The following HUWE1 variants were observed in gnomAD, a reference collection of about 807,000 sequenced individuals.
The protein encoded by HUWE1 is HECT, UBA and WWE domain containing E3 ubiquitin protein ligase 1.
Under a neutral mutation model 299.4 loss-of-function variants are expected in HUWE1, and 18 were observed. The observed-to-expected ratio is 0.06, with a 90% CI of 0.04 to 0.09. The LOEUF (loss-of-function observed/expected upper bound fraction) is 0.09. HUWE1 is among the 10% of genes least tolerant of loss of function. HUWE1 has a pLI of 1.00. For missense variants in HUWE1, 1,832 were observed against 3,462.3 expected, an observed-to-expected ratio of 0.53 and a Z score of 11.82; for synonymous variants, 1,317 against 1,286.1, an observed-to-expected ratio of 1.02 and a Z score of -0.51.
Position 53,551,491 on chromosome X carries a change from A to T in HUWE1, c.8882-11T>A. On this transcript the variant is annotated splice_polypyrimidine_tract_variant and intron_variant, in intron 63 of 83. Coordinates refer to ENST00000262854, the MANE Select transcript of HUWE1 (RefSeq NM_031407.7). ...CAGGGAGACTGATACCTGAAGGGAG[A>T]TATAACATGTAAAGGGATTCACGCC... The T allele has an allele frequency of 8.6e-7, 1 of 1,169,447 alleles. No individual in the cohort carries two copies. Among genetic ancestry groups the T allele is most frequent in the Non-Finnish European group, 1.2e-6 (1 of 866,022 alleles).
chrX:53,619,592 A>G lies in HUWE1; in HGVS notation c.1673-2146T>C, dbSNP rs975200785. Reference sequence around the variant, plus strand: ...TAAAAGGAATCAGAGAAATAGAAGAAAAAAAAAAAAAAAAAAAAAGGCAGA... The same window carrying G: ...TAAAAGGAATCAGAGAAATAGAAGAGAAAAAAAAAAAAAAAAAAAGGCAGA... On this transcript the variant is annotated intron_variant, in intron 19 of 83. Transcript: ENST00000262854. 6.8e-4 allele frequency among the ~76,000 whole-genome samples: 19 copies of G among 27,949 alleles called. No individual in the cohort carries two copies. In the African/African-American group the frequency reaches 6.9e-3, roughly 10 times the overall value. 24.3% of individuals were successfully genotyped at this position (27,949 alleles called of 115,157 possible).
Position 53,588,552 on chromosome X carries a change from G to A in HUWE1, c.4462-18C>T, listed in dbSNP as rs2063978596. 2 of 1,193,918 alleles carry A rather than the reference G, an allele frequency of 1.7e-6. No individual in the cohort carries two copies. The highest frequency in any genetic ancestry group is 2.3e-6 in the Non-Finnish European group (2 of 885,251). ...TCCCACACCTAGAAAAGCAAAAAAA[G>A]GGTTAAGTCACGGAACCGCAGAGCA... On this transcript the variant is annotated intron_variant, in intron 36 of 83. Transcript: ENST00000262854.
chrX:53,537,434 A>C, intron 78 of HUWE1, 122 bp downstream of exon 78: 18 of 711,832 alleles, frequency 2.5e-5, no homozygotes, highest in Non-Finnish European at 3.7e-5. Context: ...CCAGATTCCT[A>C]TGGGGAATTC....
chrX:53,641,057 T>C (rs781806448), intron 7 of HUWE1, among the ~76,000 whole-genome samples: 2 of 111,649 alleles, frequency 1.8e-5, no homozygotes, highest in Non-Finnish European at 3.8e-5. Flanking sequence ...CAAACTCTTA[T>C]CAAAGATCTT....
At chrX:53,609,909 T>C (rs781880503) in intron 23 of HUWE1, among the ~76,000 whole-genome samples, 20 of 111,340 alleles carry the variant, frequency 1.8e-4, no homozygotes, top group Non-Finnish European at 3.4e-4. Flanking sequence ...CAGCAGAATA[T>C]AGAACAGGAA....
intron 19 of HUWE1, among the ~76,000 whole-genome samples, chrX:53,622,184 C>T (rs1557012969): frequency 3.6e-5 from 4 of 111,424 alleles, no homozygotes; most frequent in African/African-American, 1.3e-4. Flanking sequence ...CCAGCCTCTG[C>T]CACCAACTGA....
Position 53,616,920 on chromosome X carries a change from C to T in HUWE1, c.1957+50G>A, listed in dbSNP as rs1165599473. On this transcript the variant is annotated intron_variant, in intron 21 of 83. Coordinates refer to ENST00000262854, the MANE Select transcript of HUWE1 (RefSeq NM_031407.7). ...AGAGAGATGATCAAGGAAGAGTTTC[C>T]TTGCAAACTAAATCAATTTTCTACT... The T allele has an allele frequency of 3.7e-6, 4 of 1,083,077 alleles. No homozygotes were observed. In the African/African-American group the frequency reaches 5.6e-5, roughly 15 times the overall value. 89.3% of individuals were successfully genotyped at this position (1,083,077 alleles called of 1,213,427 possible).
At position 53,565,251 on chromosome X, in the gene HUWE1, GAAGATA is replaced by G. The variant is rs782654935; in HGVS notation, c.6708-18_6708-13del. The stretch of plus-strand genomic sequence containing the variant: ...TGGCCATGTTGGGACTGAGATAAGG[GAAGATA>G]AAGAGATGGACTGAGCACAGAAATA... On this transcript the variant is annotated splice_polypyrimidine_tract_variant and intron_variant, in intron 49 of 83. Transcript: ENST00000262854. 2.4e-5 allele frequency: 29 copies of G among 1,189,145 alleles called. No homozygotes were observed. The East Asian group carries it at 8.3e-4, about 34-fold the overall frequency.
At chrX:53,545,999 T>C (rs1232855662) in intron 70 of HUWE1, among the ~76,000 whole-genome samples, 3 of 111,454 alleles carry the variant, frequency 2.7e-5, no homozygotes, top group African/African-American at 9.7e-5. Flanking sequence ...TTAGAATTTT[T>C]ATACCCTCAA....
chrX:53,621,965 A>G (rs2066175573), intron 19 of HUWE1, among the ~76,000 whole-genome samples: 1 of 112,348 alleles, frequency 8.9e-6, no homozygotes, highest in Non-Finnish European at 1.9e-5. Flanking sequence ...GAGGTGAGAA[A>G]GAAGAGAGGG....
chrX:53,643,597 C>T (rs2149228274), intron 7 of HUWE1, among the ~76,000 whole-genome samples: 1 of 111,618 alleles, frequency 9.0e-6, no homozygotes, highest in African/African-American at 3.3e-5. Flanking sequence ...GGTGATCTGC[C>T]TGCCTCGGCC....
rs2063577393 is a variant in HUWE1 at position 53,580,756 on chromosome X, T to TGAAG, written c.5716+74_5716+75insCTTC. 2.9e-6 allele frequency: 3 copies of TGAAG among 1,017,766 alleles called. No individual in the cohort carries two copies. The East Asian group carries it at 9.3e-5, about 31-fold the overall frequency. The allele number at this position is 1,017,766 out of a possible 1,213,427, so 83.9% of individuals were successfully genotyped here. On this transcript the variant is annotated intron_variant, in intron 43 of 83. Coordinates refer to ENST00000262854, the MANE Select transcript of HUWE1 (RefSeq NM_031407.7). ...AAGGAGGCTCTTCAAGTTACAGACC[T>TGAAG]CCTCATAAATAAATTTCTGGATTTA...
At chrX:53,645,184 T>A (rs1557034541) in intron 7 of HUWE1, 127 bp downstream of exon 7, 3 of 671,208 alleles carry the variant, frequency 4.5e-6, no homozygotes. Flanking sequence ...CCAATAGTTC[T>A]AACTCAATTA....
chrX:53,637,707 A>C (rs782293985), intron 7 of HUWE1, among the ~76,000 whole-genome samples: 1 of 112,492 alleles, frequency 8.9e-6, no homozygotes, highest in Non-Finnish European at 1.9e-5. Context: ...TGCTGTTGTT[A>C]TATTTATGAA....
At chrX:53,629,991 G>C (rs1254136829) in intron 12 of HUWE1, among the ~76,000 whole-genome samples, 1 of 112,251 alleles carries the variant, frequency 8.9e-6, no homozygotes, top group Admixed American at 9.4e-5. Context: ...GTAAACACTT[G>C]TAAAGAACAG....
intron 21 of HUWE1, 150 bp downstream of exon 21, chrX:53,616,820 A>C: frequency 2.1e-6 from 1 of 479,162 alleles, no homozygotes. Context: ...AAGCTGAAGT[A>C]TTCCTTCTGA....
intron 43 of HUWE1, among the ~76,000 whole-genome samples, chrX:53,578,424 C>T (rs2063325617): frequency 2.1e-5 from 2 of 94,222 alleles, no homozygotes; most frequent in African/African-American, 4.1e-5. Context: ...GCCCGGCCGC[C>T]CCTACTGGGA....
At chrX:53,535,119 G>T (rs925706433) in intron 81 of HUWE1, among the ~76,000 whole-genome samples, 2 of 110,763 alleles carry the variant, frequency 1.8e-5, no homozygotes, top group Admixed American at 9.6e-5. Flanking sequence ...TATTTTAGTA[G>T]AGACGGGGTT....
intron 29 of HUWE1, among the ~76,000 whole-genome samples, chrX:53,599,260 T>C (rs782335510): frequency 1.9e-3 from 212 of 112,570 alleles, no homozygotes; most frequent in Middle Eastern, 9.2e-3. Context: ...GAAGGTAATG[T>C]TGGTAGACTT....
Sources: gnomAD v4.1 joint callset for allele counts (sites outside exome capture counted in the v4.1 genomes callset) on GRCh38, gnomAD v4.1.1 for gene constraint, MANE v1.5 for transcripts, NCBI Gene and HGNC (gene_info 2026-07-23, HGNC 2026-07-21) for gene names.